The following MAGI3 variants were observed in gnomAD, a reference collection of about 807,000 sequenced individuals.
The protein encoded by MAGI3 is membrane associated guanylate kinase, WW and PDZ domain containing 3.
MAGI3 carries 43 observed loss-of-function variants against 121.8 expected under a neutral mutation model. The ratio of observed to expected loss-of-function variants is 0.35; its 90% confidence interval spans 0.28 to 0.46. The LOEUF (loss-of-function observed/expected upper bound fraction) is 0.46. Among genes scored for constraint, MAGI3 ranks in the 20% least tolerant of loss-of-function variants. MAGI3 has a pLI of 1.00. For missense variants in MAGI3, 1,547 were observed against 1,797.3 expected, an observed-to-expected ratio of 0.86 and a Z score of 2.52; for synonymous variants, 553 against 639.3, an observed-to-expected ratio of 0.86 and a Z score of 2.04.
chr1:113,534,235 T>C (rs537846265), intron 1 of MAGI3, among the ~76,000 whole-genome samples: 117 of 152,344 alleles, frequency 7.7e-4, no homozygotes, highest in African/African-American at 2.6e-3. Flanking sequence ...GTTCTGCTTT[T>C]CCCATAGTCC....
At chr1:113,647,194 T>C (rs112462065) in intron 12 of MAGI3, among the ~76,000 whole-genome samples, 3 of 152,342 alleles carry the variant, frequency 2.0e-5, no homozygotes, top group African/African-American at 7.2e-5. Context: ...TGGCCTTGCA[T>C]GACTTGGGCT....
intron 2 of MAGI3, among the ~76,000 whole-genome samples, chr1:113,575,543 G>T (rs1363094026): frequency 2.0e-5 from 3 of 152,184 alleles, no homozygotes; most frequent in Admixed American, 6.5e-5. Flanking sequence ...AAAGATTGCT[G>T]CCTGCTCCTT....
chr1:113,551,137 G>A (rs1207971467), intron 2 of MAGI3, among the ~76,000 whole-genome samples: 3 of 152,022 alleles, frequency 2.0e-5, no homozygotes, highest in Non-Finnish European at 1.5e-5. Context: ...CTTTACTTGG[G>A]CAAGTTACTT....
chr1:113,607,117 C>G (rs1013311142), intron 6 of MAGI3, among the ~76,000 whole-genome samples: 2 of 151,980 alleles, frequency 1.3e-5, no homozygotes, highest in African/African-American at 4.8e-5. Flanking sequence ...ATCTTTTATG[C>G]CAGTGGTTTT....
chr1:113,533,389 C>T (rs991682022), intron 1 of MAGI3, among the ~76,000 whole-genome samples: 12 of 152,064 alleles, frequency 7.9e-5, no homozygotes, highest in Non-Finnish European at 1.5e-4. Flanking sequence ...ACATTGAGTA[C>T]ACATGGATAG....
chr1:113,503,851 A>G (rs966672610), intron 1 of MAGI3, among the ~76,000 whole-genome samples: 3 of 152,084 alleles, frequency 2.0e-5, no homozygotes, highest in African/African-American at 7.2e-5. Flanking sequence ...TAAGGTCTAG[A>G]GAAGTGGTAA....
Position 113,552,043 on chromosome 1 carries a change from T to C in MAGI3, c.433+2412T>C, listed in dbSNP as rs1344433268. Among the ~76,000 whole-genome samples the C allele has an allele frequency of 2.0e-5, 3 of 152,288 alleles. No homozygotes were observed. In the South Asian group the frequency reaches 6.2e-4, roughly 32 times the overall value. On this transcript the variant is annotated intron_variant, in intron 2 of 20. Coordinates refer to ENST00000307546, the MANE Select transcript of MAGI3 (RefSeq NM_001142782.2). ...AGTAAATGTATCCCACACTTTGCTG[T>C]GCTTTTCTCATTCTTACCCTACTTT...
rs556456160 is a variant in MAGI3, at chr1:113,422,437, C to T, written c.316+31088C>T. Among the ~76,000 whole-genome samples the T allele has an allele frequency of 2.0e-5, 3 of 152,342 alleles. No individual in the cohort carries two copies. The highest frequency in any genetic ancestry group is 1.9e-4 in the East Asian group (1 of 5,178). The stretch of plus-strand genomic sequence containing the variant: ...TCTGCCCACTTGGCCTGTCAGGCTG[C>T]GTTTGGCTCATGATGCCTGCCCGGA... On this transcript the variant is annotated intron_variant, in intron 1 of 20. Coordinates refer to ENST00000307546, the MANE Select transcript of MAGI3 (RefSeq NM_001142782.2). The surrounding 1 kb of genome is among the most constrained non-coding windows in gnomAD (Gnocchi z 4.3).
intron 1 of MAGI3, among the ~76,000 whole-genome samples, chr1:113,502,800 A>G (rs1657080184): frequency 1.7e-5 from 1 of 58,792 alleles, no homozygotes; most frequent in Admixed American, 1.7e-4. Flanking sequence ...TCACAATAGC[A>G]AAAACTTGGA....
intron 19 of MAGI3, 61 bp from the exon 20 acceptor site, chr1:113,681,137 A>G (rs1282595505): frequency 1.3e-6 from 2 of 1,577,520 alleles, no homozygotes; most frequent in Non-Finnish European, 1.7e-6. Context: ...AGAGCTGACA[A>G]AAGCAGAATT....
intron 2 of MAGI3, among the ~76,000 whole-genome samples, chr1:113,556,108 A>G (rs1659979990): frequency 6.6e-6 from 1 of 152,186 alleles, no homozygotes. Flanking sequence ...TTAAATACTT[A>G]TATTAGAAAA....
rs140102876 is a variant in MAGI3 at position 113,574,973 on chromosome 1, T to C, written c.434-5569T>C. ...TCTGATATCCGTTCTTCCACTTGATTGATTTGCTTATTGATACTTGTATAT... is the reference window on the plus strand; with the variant it reads ...TCTGATATCCGTTCTTCCACTTGATCGATTTGCTTATTGATACTTGTATAT... On this transcript the variant is annotated intron_variant, in intron 2 of 20. Transcript: ENST00000307546. Among the ~76,000 whole-genome samples, 509 of 152,270 alleles carry C rather than the reference T, an allele frequency of 3.3e-3. 8 individuals are homozygous for C. Among genetic ancestry groups the C allele is most frequent in the Admixed American group, 0.024 (372 of 15,276 alleles).
chr1:113,390,816 G>T lies in MAGI3; in HGVS notation c.-218G>T, dbSNP rs1013916663. 2 of 248,766 alleles carry T rather than the reference G, an allele frequency of 8.0e-6. No individual in the cohort carries two copies. Among genetic ancestry groups the T allele is most frequent in the Non-Finnish European group, 1.5e-5 (2 of 130,726 alleles). 15.4% of individuals were successfully genotyped at this position (248,766 alleles called of 1,614,324 possible). On this transcript the variant is annotated 5_prime_UTR_variant, in exon 1 of 21. Transcript: ENST00000307546. ...CGGTGGCCCTCGCGGAGTCCGGTCA[G>T]CCCCGGGGAGCGCAGCCGGGAGGGG...
At chr1:113,418,364 C>G (rs1325185509) in intron 1 of MAGI3, among the ~76,000 whole-genome samples, 2 of 152,080 alleles carry the variant, frequency 1.3e-5, no homozygotes, top group African/African-American at 4.8e-5. Context: ...AATTTGGTTG[C>G]TTACTTTTCT....
At chr1:113,659,349 C>A in intron 16 of MAGI3, 84 bp downstream of exon 16, 1 of 1,324,762 alleles carries the variant, frequency 7.5e-7, no homozygotes, top group Non-Finnish European at 1.1e-6. Flanking sequence ...TCCAGCACTG[C>A]CAGAATCACT....
chr1:113,461,359 C>T (rs1215930467), intron 1 of MAGI3, among the ~76,000 whole-genome samples: 1 of 152,222 alleles, frequency 6.6e-6, no homozygotes, highest in South Asian at 2.1e-4. Flanking sequence ...GTCACCAGAA[C>T]AGCATGGTAC....
intron 2 of MAGI3, among the ~76,000 whole-genome samples, chr1:113,559,302 G>A (rs1171001868): frequency 6.6e-6 from 1 of 152,166 alleles, no homozygotes; most frequent in Non-Finnish European, 1.5e-5. Context: ...CTGTCTTCAA[G>A]AGACCCATCT....
Position 113,643,736 on chromosome 1 carries a change from T to G in MAGI3, c.1967-7T>G. 1 of 1,614,010 alleles carries G rather than the reference T, an allele frequency of 6.2e-7. No individual in the cohort carries two copies. The highest frequency in any genetic ancestry group is 8.5e-7 in the Non-Finnish European group (1 of 1,179,874). On this transcript the variant is annotated splice_region_variant and splice_polypyrimidine_tract_variant and intron_variant, in intron 10 of 20. Coordinates refer to ENST00000307546, the MANE Select transcript of MAGI3 (RefSeq NM_001142782.2). Reference sequence around the variant, plus strand: ...GGTTTTAAACTTTGGTTCATTTTTTTTTTAAGGTCCTCCTTCACCAACCAA... The same window carrying G: ...GGTTTTAAACTTTGGTTCATTTTTTGTTTAAGGTCCTCCTTCACCAACCAA...
At chr1:113,434,992 A>T (rs908328148) in intron 1 of MAGI3, among the ~76,000 whole-genome samples, 2 of 151,918 alleles carry the variant, frequency 1.3e-5, no homozygotes, top group African/African-American at 2.4e-5. Flanking sequence ...ATCACTTTTG[A>T]TTTTTATAGT....
Sources: gnomAD v4.1 joint callset for allele counts (sites outside exome capture counted in the v4.1 genomes callset) on GRCh38, gnomAD v4.1.1 for gene constraint, Gnocchi (gnomAD v3.1) non-coding constraint, MANE v1.5 for transcripts, NCBI Gene and HGNC (gene_info 2026-07-23, HGNC 2026-07-21) for gene names.